The following RHOH variants were observed in gnomAD, a reference collection of about 807,000 sequenced individuals.
The protein encoded by RHOH is ras homolog family member H.
A neutral mutation model predicts 13.8 loss-of-function variants in RHOH; 6 were observed. That is an observed-to-expected ratio of 0.44 (90% CI 0.24 to 0.86). The LOEUF is 0.86. Ranked by LOEUF, RHOH falls within the 40% of genes least tolerant of loss-of-function variation. The pLI, the probability that RHOH is intolerant of heterozygous loss-of-function variation, is 0.24. For synonymous variants in RHOH, 117 were observed against 103.0 expected, an observed-to-expected ratio of 1.14 and a Z score of -0.82; for missense variants, 147 against 244.5, an observed-to-expected ratio of 0.60 and a Z score of 2.66.
intron 1 of RHOH, among the ~76,000 whole-genome samples, chr4:40,210,089 CGTGTGT>C (rs5857717): frequency 0.033 from 4,816 of 145,536 alleles, 253 homozygotes; most frequent in African/African-American, 0.11. Context: ...ACATTGTGTG[CGTGTGT>C]GTGTGTGTGT....
In RHOH at chr4:40,218,311, T is replaced by C. The variant is rs1179156526; in HGVS notation, c.-331+21011T>C. On this transcript the variant is annotated intron_variant, in intron 1 of 2. Coordinates refer to ENST00000381799, the MANE Select transcript of RHOH (RefSeq NM_004310.5). The surrounding 1 kb of genome is among the most constrained non-coding windows in gnomAD (Gnocchi z 4.1). ...AGAGCTCTCTCAGGTATTTATTATATGCACGTTCTGTCTACAATGACCAGT... is the reference window on the plus strand; with the variant it reads ...AGAGCTCTCTCAGGTATTTATTATACGCACGTTCTGTCTACAATGACCAGT... 1 of 152,232 alleles carries C rather than the reference T, an allele frequency of 6.6e-6. No homozygotes were observed. Among genetic ancestry groups the C allele is most frequent in the Non-Finnish European group, 1.5e-5 (1 of 68,040 alleles). 9.4% of individuals were successfully genotyped at this position (152,232 alleles called of 1,614,324 possible). A position where few individuals can be genotyped will look rare whatever the true frequency, so the allele number is the denominator to read the frequency against.
chr4:40,237,232 C>A (rs1425453210), intron 1 of RHOH, among the ~76,000 whole-genome samples: 1 of 152,100 alleles, frequency 6.6e-6, no homozygotes, highest in Non-Finnish European at 1.5e-5. Context: ...GTGGGTGGAT[C>A]ACCTGAGGTC....
chr4:40,202,138 G>A (rs1223107762), intron 1 of RHOH, among the ~76,000 whole-genome samples: 1 of 151,272 alleles, frequency 6.6e-6, no homozygotes, highest in East Asian at 1.9e-4. Flanking sequence ...GTAGAGACGG[G>A]GTCTCACTTT....
At chr4:40,204,582 T>TA (rs1435621061) in intron 1 of RHOH, among the ~76,000 whole-genome samples, 3 of 152,122 alleles carry the variant, frequency 2.0e-5, no homozygotes, top group Non-Finnish European at 2.9e-5. Flanking sequence ...AAGGACCCTC[T>TA]AAAACCCATT....
chr4:40,193,365 C>T (rs1317220), upstream of RHOH, among the ~76,000 whole-genome samples: 39,075 of 152,106 alleles, frequency 0.26, 6,103 homozygotes, highest in Non-Finnish European at 0.35. Context: ...AGAAGGGACA[C>T]GCCCTGGGGC....
intron 1 of RHOH, among the ~76,000 whole-genome samples, chr4:40,215,823 G>A (rs1725810052): frequency 6.6e-6 from 1 of 152,182 alleles, no homozygotes; most frequent in Non-Finnish European, 1.5e-5. Flanking sequence ...AGGAGACTGA[G>A]GCATGAGAAT....
chr4:40,232,566 A>G (rs1387313173), intron 1 of RHOH, among the ~76,000 whole-genome samples: 2 of 152,124 alleles, frequency 1.3e-5, no homozygotes, highest in Non-Finnish European at 1.5e-5. Context: ...GTAACATTTT[A>G]TGTGCCAAAG....
At chr4:40,194,309 A>G (rs970720463), upstream of RHOH, among the ~76,000 whole-genome samples, 2 of 151,680 alleles carry the variant, frequency 1.3e-5, no homozygotes, top group African/African-American at 4.9e-5. Context: ...CCTCACTACA[A>G]CCTCTGCCTA....
chr4:40,202,407 T>G (rs1724129711), intron 1 of RHOH, among the ~76,000 whole-genome samples: 1 of 152,200 alleles, frequency 6.6e-6, no homozygotes, highest in Non-Finnish European at 1.5e-5. Context: ...AATGACAGCA[T>G]TTGGTATGTT....
chr4:40,243,694 G>C lies in RHOH; in HGVS notation c.308G>C (p.Arg103Thr). ...NLKNKWIGEI[R>T]SNLPCTPVLV... is the part of the protein sequence containing the mutation. ...AAGAACAAGTGGATTGGTGAAATTAGGAGCAACTTGCCCTGTACCCCTGTG... is the reference window on the plus strand; with the variant it reads ...AAGAACAAGTGGATTGGTGAAATTACGAGCAACTTGCCCTGTACCCCTGTG... Residue 103 changes from arginine (R) to threonine (T), a missense_variant, in exon 3 of 3, where the codon AGG becomes ACG. Coordinates refer to ENST00000381799, the MANE Select transcript of RHOH (RefSeq NM_004310.5). This position sits in a 1 kb window ranked among gnomAD's most constrained non-coding sequence, Gnocchi z 6.2. 1 of 1,614,170 alleles carries C rather than the reference G, an allele frequency of 6.2e-7. No individual in the cohort carries two copies. The highest frequency in any genetic ancestry group is 2.2e-5 in the East Asian group (1 of 44,874).
At chr4:40,229,465 G>C (rs146156158) in intron 1 of RHOH, among the ~76,000 whole-genome samples, 3 of 151,750 alleles carry the variant, frequency 2.0e-5, no homozygotes, top group African/African-American at 4.8e-5. Context: ...GAGAAACCCC[G>C]TCTCTACTAA....
rs188227184 is a variant in RHOH at position 40,246,287 on chromosome 4, G to A, written c.*2325G>A. 51 of 152,354 alleles carry A rather than the reference G, an allele frequency of 3.3e-4. No individual in the cohort carries two copies. The highest frequency in any genetic ancestry group is 1.1e-3 in the African/African-American group (47 of 41,560). 9.4% of individuals were successfully genotyped at this position (152,354 alleles called of 1,614,324 possible). A position where few individuals can be genotyped will look rare whatever the true frequency, so the allele number is the denominator to read the frequency against. ...TCTCTTGTTGAAGAGAGATGGGGGT[G>A]GGTATCTGAAAGTGGGAAGGGCCAC... On this transcript the variant is annotated 3_prime_UTR_variant, in exon 3 of 3. Transcript: ENST00000381799.
At chr4:40,230,268 A>ACCTCAAGTGATCCACCTGC (rs1727758616) in intron 1 of RHOH, among the ~76,000 whole-genome samples, 3 of 146,332 alleles carry the variant, frequency 2.1e-5, no homozygotes, top group Admixed American at 7.0e-5. Flanking sequence ...AGAATTCCTG[A>ACCTCAAGTGATCCACCTGC]CCTCAAGTGA....
upstream of RHOH, among the ~76,000 whole-genome samples, chr4:40,194,525 G>A (rs918541963): frequency 5.9e-5 from 9 of 152,126 alleles, no homozygotes; most frequent in Admixed American, 1.3e-4. Flanking sequence ...CACAGCACTC[G>A]GCCTATTGTC....
intron 1 of RHOH, among the ~76,000 whole-genome samples, chr4:40,234,426 T>A (rs972717705): frequency 6.6e-6 from 1 of 152,052 alleles, no homozygotes; most frequent in Non-Finnish European, 1.5e-5. Context: ...TGAACCGGAC[T>A]AAGAACTCTA....
upstream of RHOH, among the ~76,000 whole-genome samples, chr4:40,196,621 G>C (rs1434743954): frequency 6.6e-6 from 1 of 151,370 alleles, no homozygotes; most frequent in African/African-American, 2.4e-5. Flanking sequence ...TTTTCCCCAA[G>C]CTGATGGGGG....
intron 1 of RHOH, among the ~76,000 whole-genome samples, chr4:40,223,338 T>C (rs1726809161): frequency 6.6e-6 from 1 of 152,178 alleles, no homozygotes; most frequent in Non-Finnish European, 1.5e-5. Context: ...GCAAACTTCA[T>C]TGTTGTCTTA....
chr4:40,226,593 G>A (rs967197671), intron 1 of RHOH, among the ~76,000 whole-genome samples: 6 of 151,854 alleles, frequency 4.0e-5, no homozygotes, highest in African/African-American at 1.5e-4. Flanking sequence ...CACAACATGG[G>A]CCCTTTGCAA....
intron 1 of RHOH, among the ~76,000 whole-genome samples, chr4:40,208,704 T>C (rs2109391208): frequency 6.6e-6 from 1 of 152,272 alleles, no homozygotes; most frequent in African/African-American, 2.4e-5. Context: ...TAAGAATTAT[T>C]CCTAAGACAA....
Sources: allele counts gnomAD v4.1 joint callset (sites outside exome capture counted in the v4.1 genomes callset), GRCh38; gene constraint gnomAD v4.1.1; non-coding constraint Gnocchi (gnomAD v3.1); transcripts MANE v1.5; gene names NCBI Gene and HGNC (gene_info 2026-07-23, HGNC 2026-07-21).